The following PRSS36 variants were observed in gnomAD, a reference collection of about 807,000 sequenced individuals.
PRSS36 encodes serine protease 36.
PRSS36 carries 90 observed loss-of-function variants against 94.3 expected under a neutral mutation model. That is an observed-to-expected ratio of 0.95 (90% CI 0.80 to 1.14). The LOEUF (loss-of-function observed/expected upper bound fraction) is 1.14, where lower values mean the gene tolerates loss of function less well. Ranked by LOEUF, PRSS36 falls within the 50% of genes most tolerant of loss-of-function variation. PRSS36 has a pLI of 0.00. For missense variants in PRSS36, 1,158 were observed against 1,135.0 expected (o/e 1.02, Z -0.29); for synonymous variants, 500 against 489.6 (o/e 1.02, Z -0.28).
rs998249682 is a variant in PRSS36, at chr16:31,142,695, A to ACCGCCCGGTG, written c.1357+32_1357+41dup. On this transcript the variant is annotated intron_variant, in intron 9 of 14. Coordinates refer to ENST00000268281, the MANE Select transcript of PRSS36 (RefSeq NM_173502.5). ...GCGCTGCGGCCCAGACGGCCCCTGC[A>ACCGCCCGGTG]CCGCCCGGTGCCGCCCGGCCCAGCG... 2.9e-6 allele frequency: 4 copies of ACCGCCCGGTG among 1,363,142 alleles called. No individual in the cohort carries two copies. The African/African-American group carries it at 6.2e-5, about 21-fold the overall frequency. The allele number at this position is 1,363,142 out of a possible 1,614,324, so 84.4% of individuals were successfully genotyped here. A position where few individuals can be genotyped will look rare whatever the true frequency, so the allele number is the denominator to read the frequency against.
chr16:31,141,884 C>T lies in PRSS36; in HGVS notation c.1598G>A (p.Gly533Asp). The change falls in exon 11 of 15, where the codon GGC becomes GAC. Residue 533 changes from glycine (G) to aspartate (D), a missense_variant. By Grantham distance (94) the Gly-to-Asp change is moderately conservative. Transcript: ENST00000268281. ...GAAGAAGGCTCGGGGACGTAGACAG[C>T]CACTGGGAAAGTCTCTGATTCCAGC... Reference protein sequence around the residue: ...FLAGIRDFPSGCLRPRAFFPL... With the variant: ...FLAGIRDFPSDCLRPRAFFPL... 6.2e-7 allele frequency: 1 copy of T among 1,614,156 alleles called. No individual in the cohort carries two copies. The highest frequency in any genetic ancestry group is 8.5e-7 in the Non-Finnish European group (1 of 1,180,032).
chr16:31,142,960 G>T lies in PRSS36; in HGVS notation c.1134C>A (p.Leu378=), dbSNP rs1392709052. Reference sequence around the variant, plus strand: ...AGGGCAGCAGCACGCGCCAGGCGTCGAGGTCGCGGGGTGGGCTGTCGGAGC... The same window carrying T: ...AGGGCAGCAGCACGCGCCAGGCGTCTAGGTCGCGGGGTGGGCTGTCGGAGC... ...PNSSDSPPRD[L]DAWRVLLPSR... is the part of the protein sequence containing the mutation. The change falls in exon 9 of 15, where the codon CTC becomes CTA. Residue 378 remains leucine, a synonymous_variant. Coordinates refer to ENST00000268281, the MANE Select transcript of PRSS36 (RefSeq NM_173502.5). The T allele has an allele frequency of 7.0e-7, 1 of 1,433,818 alleles. No homozygotes were observed. The highest frequency in any genetic ancestry group is 9.1e-7 in the Non-Finnish European group (1 of 1,099,152). The allele number at this position is 1,433,818 out of a possible 1,614,324, so 88.8% of individuals were successfully genotyped here. A position where few individuals can be genotyped will look rare whatever the true frequency, so the allele number is the denominator to read the frequency against.
intron 5 of PRSS36, among the ~76,000 whole-genome samples, chr16:31,147,718 G>C (rs1400048910): frequency 6.6e-6 from 1 of 152,174 alleles, no homozygotes; most frequent in African/African-American, 2.4e-5. Flanking sequence ...CTGGCATGTA[G>C]AAGGTGCTCA....
Position 31,149,722 on chromosome 16 carries a change from G to T in PRSS36, c.47C>A (p.Pro16His). 1 of 1,614,162 alleles carries T rather than the reference G, an allele frequency of 6.2e-7. No individual in the cohort carries two copies. Among genetic ancestry groups the T allele is most frequent in the Non-Finnish European group, 8.5e-7 (1 of 1,180,020 alleles). The change falls in exon 2 of 15, where the codon CCC becomes CAC. Residue 16 changes from proline to histidine, a missense_variant. Pro to His is a moderately conservative substitution (Grantham distance 77, BLOSUM62 -2). Transcript: ENST00000268281. ...TGAGTCCTGGAAGGCTCCTGGGATG[G>T]GACTGATGACTGGAAAGACAGAGGT... is the stretch of plus-strand genomic sequence containing the variant. ...LLPLVMLVIS[P>H]IPGAFQDSAL...
In PRSS36 at chr16:31,140,351, G is replaced by A. The variant is rs750827528; in HGVS notation, c.2232C>T (p.Ile744=). ...GGACACAGAGGGTTCCAGGGGGCAG[G>A]ATGCCCTGATAGAGGCAGTCACAGA... ...QRICDCLYQG[I]LPPGTLCVLY... Residue 744 remains isoleucine, a synonymous_variant, in exon 14 of 15, where the codon ATC becomes ATT. Coordinates refer to ENST00000268281, the MANE Select transcript of PRSS36 (RefSeq NM_173502.5). 6.2e-7 allele frequency: 1 copy of A among 1,613,962 alleles called. No individual in the cohort carries two copies. The highest frequency in any genetic ancestry group is 8.5e-7 in the Non-Finnish European group (1 of 1,179,994).
At chr16:31,145,367 C>T (rs1367076474) in intron 6 of PRSS36, among the ~76,000 whole-genome samples, 10 of 106,628 alleles carry the variant, frequency 9.4e-5, no homozygotes, top group Admixed American at 3.2e-4. Flanking sequence ...AGCAAGACTC[C>T]GTCTCAAAAA....
chr16:31,140,284 GC>G lies in PRSS36; in HGVS notation c.2289+9del. The G allele has an allele frequency of 6.2e-7, 1 of 1,601,164 alleles. No individual in the cohort carries two copies. Among genetic ancestry groups the G allele is most frequent in the South Asian group, 1.1e-5 (1 of 90,012 alleles). On this transcript the variant is annotated intron_variant, in intron 14 of 14. Transcript: ENST00000268281. ...CCCCTGCCTACTCCAGGACGCCCAG[GC>G]CCCTGTACCTCACACCTGTTCTCCT...
intron 4 of PRSS36, 143 bp from the exon 5 acceptor site, chr16:31,148,818 A>C: frequency 1.7e-6 from 2 of 1,177,312 alleles, no homozygotes; most frequent in Non-Finnish European, 2.4e-6. Context: ...GGAAGAGCAA[A>C]TCCGATTTGG....
chr16:31,146,737 T>C (rs1012282784), intron 5 of PRSS36, among the ~76,000 whole-genome samples: 1 of 152,108 alleles, frequency 6.6e-6, no homozygotes, highest in Non-Finnish European at 1.5e-5. Flanking sequence ...TCCAGCACTT[T>C]GGGAGGCCGA....
Position 31,141,819 on chromosome 16 carries a change from G to C in PRSS36, c.1663C>G (p.Arg555Gly). The C allele has an allele frequency of 6.2e-7, 1 of 1,614,158 alleles. No individual in the cohort carries two copies. The highest frequency in any genetic ancestry group is 2.2e-5 in the East Asian group (1 of 44,892). ...THGPWISHVTRGAYLEDQLAW... is the reference protein window; with the variant it reads ...THGPWISHVTGGAYLEDQLAW... ...AGCTGGTCCTCCAGGTAGGCTCCCC[G>C]AGTCACATGGCTGATCCATGGGCCA... Residue 555 changes from arginine to glycine, a missense_variant, in exon 11 of 15, where the codon CGG (arginine) becomes GGG (glycine). Physicochemically the swap from Arg to Gly is moderately radical, Grantham distance 125. Transcript: ENST00000268281.
At chr16:31,142,206 G>A (rs1254440933) in intron 10 of PRSS36, among the ~76,000 whole-genome samples, 1 of 152,152 alleles carries the variant, frequency 6.6e-6, no homozygotes, top group Non-Finnish European at 1.5e-5. Flanking sequence ...CCTCCCAAAA[G>A]TTCTCTAGGG....
At position 31,148,383 on chromosome 16, in the gene PRSS36, C is replaced by G; in HGVS notation, c.553+12G>C. 5.8e-6 allele frequency: 9 copies of G among 1,552,018 alleles called. No individual in the cohort carries two copies. Among genetic ancestry groups the G allele is most frequent in the Middle Eastern group, 2.3e-4 (1 of 4,336 alleles). ...TCCCCGAGGCCCTCCCCTCTTGTCC[C>G]GTCCCACTCACCTGCCTCCTGGACG... On this transcript the variant is annotated intron_variant, in intron 5 of 14. Coordinates refer to ENST00000268281, the MANE Select transcript of PRSS36 (RefSeq NM_173502.5).
At chr16:31,145,735 T>A in intron 6 of PRSS36, 54 bp downstream of exon 6, 1 of 1,541,746 alleles carries the variant, frequency 6.5e-7, no homozygotes, top group South Asian at 1.2e-5. Flanking sequence ...TTTATCTATT[T>A]GTCACTGGTT....
intron 12 of PRSS36, 153 bp downstream of exon 12, chr16:31,141,316 C>A: frequency 1.0e-6 from 1 of 985,334 alleles, no homozygotes; most frequent in Non-Finnish European, 1.5e-6. Flanking sequence ...TTGGCCAAGG[C>A]AGGAGGATTG....
At chr16:31,145,765 G>A in intron 6 of PRSS36, 24 bp downstream of exon 6, 2 of 1,604,740 alleles carry the variant, frequency 1.2e-6, no homozygotes, top group Non-Finnish European at 1.7e-6. Context: ...GCCCTGCCAG[G>A]CAGGTGCCGG....
In PRSS36 at chr16:31,145,789, C is replaced by G; in HGVS notation, c.720G>C (p.Gln240His). The G allele has an allele frequency of 6.2e-7, 1 of 1,612,058 alleles. No homozygotes were observed. ...GYPEGRRDTC[Q>H]GDSGGPLVCE... is the part of the protein sequence containing the mutation. Reference sequence around the variant, plus strand: ...GGCAGGTGCCGGGGCCTTCCCTCACCTGGCAGGTGTCCCTGCGGCCCTCTG... The same window carrying G: ...GGCAGGTGCCGGGGCCTTCCCTCACGTGGCAGGTGTCCCTGCGGCCCTCTG... The change falls in exon 6 of 15, where the codon CAG (glutamine) becomes CAC (histidine). Residue 240 changes from glutamine to histidine, a missense_variant and splice_region_variant. By Grantham distance (24) the Gln-to-His change is conservative. Transcript: ENST00000268281.
chr16:31,148,487 G>A lies in PRSS36; in HGVS notation c.461C>T (p.Ala154Val), dbSNP rs2144046649. ...RLASPASLGP[A>V]VWPVCLPRAS... ...GCGGGGCAGGCAGACAGGCCACACGGCGGGGCCCAGGCTGGCGGGTGAGGC... is the reference window on the plus strand; with the variant it reads ...GCGGGGCAGGCAGACAGGCCACACGACGGGGCCCAGGCTGGCGGGTGAGGC... Residue 154 changes from alanine to valine, a missense_variant, in exon 5 of 15, where the codon GCC becomes GTC. Transcript: ENST00000268281. 3 of 1,577,566 alleles carry A rather than the reference G, an allele frequency of 1.9e-6. No homozygotes were observed. The African/African-American group carries it at 4.0e-5, about 21-fold the overall frequency.
chr16:31,142,522 A>C lies in PRSS36; in HGVS notation c.1480T>G (p.Cys494Gly). Residue 494 changes from cysteine (C) to glycine (G), a missense_variant, in exon 10 of 15, where the codon TGC becomes GGC. Transcript: ENST00000268281. ...TCCTCCTTTTCCTGGTAGGCAGGGC[A>C]GAGCGCGTGCGGCGGGTCTCCGGGC... Reference protein sequence around the residue: ...PLPGDPPHALCPAYQEKEEVG... With the variant: ...PLPGDPPHALGPAYQEKEEVG... The C allele has an allele frequency of 6.6e-7, 1 of 1,518,112 alleles. No individual in the cohort carries two copies. The highest frequency in any genetic ancestry group is 8.8e-7 in the Non-Finnish European group (1 of 1,136,120). The allele number at this position is 1,518,112 out of a possible 1,614,324, so 94.0% of individuals were successfully genotyped here. A position where few individuals can be genotyped will look rare whatever the true frequency, so the allele number is the denominator to read the frequency against.
Position 31,147,367 on chromosome 16 carries a change from G to A in PRSS36, c.553+1028C>T, listed in dbSNP as rs554867318. 5.3e-5 allele frequency among the ~76,000 whole-genome samples: 8 copies of A among 152,202 alleles called. No homozygotes were observed. The East Asian group carries it at 1.4e-3, about 26-fold the overall frequency. On this transcript the variant is annotated intron_variant, in intron 5 of 14. Transcript: ENST00000268281. ...TGGCCCCATTCACACAGACTTCCTGGGGCTCACAGTGACGCTTCCTCATCA... is the reference window on the plus strand; with the variant it reads ...TGGCCCCATTCACACAGACTTCCTGAGGCTCACAGTGACGCTTCCTCATCA...
Sources: gnomAD v4.1 joint callset for allele counts (sites outside exome capture counted in the v4.1 genomes callset) on GRCh38, gnomAD v4.1.1 for gene constraint, MANE v1.5 for transcripts, NCBI Gene and HGNC (gene_info 2026-07-23, HGNC 2026-07-21) for gene names.